The following ETFBKMT variants were observed in gnomAD, a reference collection of about 807,000 sequenced individuals.
ETFBKMT encodes electron transfer flavoprotein beta subunit lysine methyltransferase.
ETFBKMT carries 13 observed loss-of-function variants against 18.3 expected under a neutral mutation model. The ratio of observed to expected loss-of-function variants is 0.71; its 90% confidence interval spans 0.46 to 1.13. The LOEUF (loss-of-function observed/expected upper bound fraction) is 1.13. Among genes scored for constraint, ETFBKMT ranks in the 50% most tolerant of loss-of-function variants. The pLI, the probability that ETFBKMT is intolerant of heterozygous loss-of-function variation, is 0.00. For missense variants in ETFBKMT, 293 were observed against 306.2 expected, an observed-to-expected ratio of 0.96 and a Z score of 0.32; for synonymous variants, 84 against 107.9, an observed-to-expected ratio of 0.78 and a Z score of 1.37.
chr12:31,654,225 T>A (rs1308754842), upstream of ETFBKMT, among the ~76,000 whole-genome samples: 1 of 152,126 alleles, frequency 6.6e-6, no homozygotes, highest in Non-Finnish European at 1.5e-5. Flanking sequence ...AATTTTTGTA[T>A]TTTTAGTAGA....
In ETFBKMT at chr12:31,672,371, G is replaced by C; in HGVS notation, c.*4381G>C. On this transcript the variant is annotated 3_prime_UTR_variant, in exon 4 of 4. Coordinates refer to ENST00000357721, the MANE Select transcript of ETFBKMT (RefSeq NM_001135863.2). Reference sequence around the variant, plus strand: ...TACTAATTGCTCCAACACTTCTCGGGAATGATCTATAAAAGAAAACAATGA... The same window carrying C: ...TACTAATTGCTCCAACACTTCTCGGCAATGATCTATAAAAGAAAACAATGA... 3.2e-6 allele frequency: 5 copies of C among 1,567,786 alleles called. No individual in the cohort carries two copies. Among genetic ancestry groups the C allele is most frequent in the Non-Finnish European group, 4.3e-6 (5 of 1,153,552 alleles).
chr12:31,668,091 T>C lies in ETFBKMT; in HGVS notation c.*101T>C, dbSNP rs1793357134. 1.1e-6 allele frequency: 1 copy of C among 926,306 alleles called. No homozygotes were observed. The highest frequency in any genetic ancestry group is 1.7e-5 in the African/African-American group (1 of 60,132). The allele number at this position is 926,306 out of a possible 1,614,324, so 57.4% of individuals were successfully genotyped here. A position where few individuals can be genotyped will look rare whatever the true frequency, so the allele number is the denominator to read the frequency against. On this transcript the variant is annotated 3_prime_UTR_variant, in exon 4 of 4. Transcript: ENST00000357721. ...TCTCCAGTTTAATGAATGTAATTCT[T>C]GTTAAATGGAAAATCTTGTTTTTAA... is the stretch of plus-strand genomic sequence containing the variant.
chr12:31,664,721 A>G (rs866417502), intron 2 of ETFBKMT, among the ~76,000 whole-genome samples: 11 of 150,794 alleles, frequency 7.3e-5, no homozygotes, highest in Admixed American at 2.6e-4. Context: ...GGTTCAAACG[A>G]TTCTCTGCCT....
In ETFBKMT at chr12:31,668,014, G is replaced by C. The variant is rs780223212; in HGVS notation, c.*24G>C. The C allele has an allele frequency of 6.3e-7, 1 of 1,583,508 alleles. No homozygotes were observed. The highest frequency in any genetic ancestry group is 8.6e-7 in the Non-Finnish European group (1 of 1,157,396). ...GAGTTGTCAAAGTGCTTCCAAGTAT[G>C]AATATAGTAATGTTTGGATCTGACT... On this transcript the variant is annotated 3_prime_UTR_variant, in exon 4 of 4. Coordinates refer to ENST00000357721, the MANE Select transcript of ETFBKMT (RefSeq NM_001135863.2).
intron 1 of ETFBKMT, among the ~76,000 whole-genome samples, chr12:31,649,112 G>A (rs752784881): frequency 6.6e-5 from 10 of 152,258 alleles, no homozygotes; most frequent in East Asian, 1.9e-4. Flanking sequence ...CCACCATGCC[G>A]GGCTAATGTT....
At chr12:31,658,611 A>G (rs927630087), upstream of ETFBKMT, among the ~76,000 whole-genome samples, 4 of 152,180 alleles carry the variant, frequency 2.6e-5, no homozygotes, top group African/African-American at 9.7e-5. Flanking sequence ...GTGCCAGTGC[A>G]TTTCTCAAAC....
chr12:31,660,564 C>T (rs1951110256), intron 1 of ETFBKMT, among the ~76,000 whole-genome samples: 1 of 152,112 alleles, frequency 6.6e-6, no homozygotes, highest in Non-Finnish European at 1.5e-5. Context: ...ATCAATTGCA[C>T]AGGTGTTTTT....
chr12:31,662,604 C>T (rs1238261566), intron 2 of ETFBKMT, among the ~76,000 whole-genome samples: 1 of 149,164 alleles, frequency 6.7e-6, no homozygotes, highest in Non-Finnish European at 1.5e-5. Context: ...GCTGGTATTA[C>T]AGACATGAGC....
chr12:31,662,312 T>C, intron 2 of ETFBKMT, 45 bp downstream of exon 2: 1 of 1,573,660 alleles, frequency 6.4e-7, no homozygotes. Context: ...ATCTTTGCTG[T>C]TTTCAGTTCC....
At chr12:31,648,979 T>C (rs1950992712) in intron 1 of ETFBKMT, among the ~76,000 whole-genome samples, 1 of 117,304 alleles carries the variant, frequency 8.5e-6, no homozygotes, top group African/African-American at 2.6e-5. Context: ...GCCCGACCAA[T>C]AGTTGTATTT....
At chr12:31,656,148 G>T (rs550230894), upstream of ETFBKMT, among the ~76,000 whole-genome samples, 95 of 152,276 alleles carry the variant, frequency 6.2e-4, no homozygotes, top group African/African-American at 2.2e-3. Context: ...GGCAGTGACG[G>T]TTCTGCTTGA....
chr12:31,652,265 C>T (rs1047316737), intron 1 of ETFBKMT, among the ~76,000 whole-genome samples: 1 of 152,114 alleles, frequency 6.6e-6, no homozygotes, highest in Non-Finnish European at 1.5e-5. Flanking sequence ...TCTCTTCTGC[C>T]TATTAAACCT....
Position 31,668,195 on chromosome 12 carries a change from T to G in ETFBKMT, c.*205T>G, listed in dbSNP as rs1177550944. 1 of 499,402 alleles carries G rather than the reference T, an allele frequency of 2.0e-6. No homozygotes were observed. The highest frequency in any genetic ancestry group is 3.2e-5 in the East Asian group (1 of 31,366). 30.9% of individuals were successfully genotyped at this position (499,402 alleles called of 1,614,324 possible). Reference sequence around the variant, plus strand: ...TCTATGCATGCCAATTATACACATCTCTATCTGCATTTTTTTTTCTATTTT... The same window carrying G: ...TCTATGCATGCCAATTATACACATCGCTATCTGCATTTTTTTTTCTATTTT... On this transcript the variant is annotated 3_prime_UTR_variant, in exon 4 of 4. Coordinates refer to ENST00000357721, the MANE Select transcript of ETFBKMT (RefSeq NM_001135863.2).
rs1951129713 is a variant in ETFBKMT at position 31,661,953 on chromosome 12, G to A, written c.-1G>A. ...AGAACCTGTGTTTGGGGAAAGGACTGATGGCTTTGAGTCTAGGTTGGAAAG... is the reference window on the plus strand; with the variant it reads ...AGAACCTGTGTTTGGGGAAAGGACTAATGGCTTTGAGTCTAGGTTGGAAAG... On this transcript the variant is annotated 5_prime_UTR_variant, in exon 2 of 4. Transcript: ENST00000357721. The A allele has an allele frequency of 6.2e-7, 1 of 1,612,988 alleles. No homozygotes were observed.
chr12:31,652,700 A>G (rs1305608826), intron 1 of ETFBKMT, among the ~76,000 whole-genome samples: 1 of 152,184 alleles, frequency 6.6e-6, no homozygotes, highest in Non-Finnish European at 1.5e-5. Flanking sequence ...ATGGTGATTT[A>G]TATTAGAGGA....
rs189603402 is a variant in ETFBKMT, at chr12:31,648,816, C to T, written c.-114+1561C>T. On this transcript the variant is annotated intron_variant, in intron 1 of 3. Transcript: ENST00000412352. ...GACCTTGTGATCTGCCCACCTTGGC[C>T]TCCCAAAGTGCTGGGATTACAGGCG... is the stretch of plus-strand genomic sequence containing the variant. 1.7e-4 allele frequency among the ~76,000 whole-genome samples: 26 copies of T among 152,094 alleles called. No individual in the cohort carries two copies. In the East Asian group the frequency reaches 4.7e-3, roughly 27 times the overall value.
At chr12:31,648,726 TAA>T (rs1460892403) in intron 1 of ETFBKMT, among the ~76,000 whole-genome samples, 1 of 151,528 alleles carries the variant, frequency 6.6e-6, no homozygotes, top group East Asian at 1.9e-4. Flanking sequence ...CACGCCTGGC[TAA>T]GTTTTTGTAT....
chr12:31,651,077 T>G (rs370658139), intron 1 of ETFBKMT, among the ~76,000 whole-genome samples: 2 of 152,088 alleles, frequency 1.3e-5, no homozygotes, highest in South Asian at 2.1e-4. Flanking sequence ...ACAACTTAAG[T>G]ATGATAACAT....
At chr12:31,665,836 A>G (rs1951186959) in intron 2 of ETFBKMT, among the ~76,000 whole-genome samples, 1 of 152,204 alleles carries the variant, frequency 6.6e-6, no homozygotes, top group Non-Finnish European at 1.5e-5. Flanking sequence ...CGCCCATGCT[A>G]TTGTTTGTGG....
Sources: gnomAD v4.1 joint callset for allele counts (sites outside exome capture counted in the v4.1 genomes callset) on GRCh38, gnomAD v4.1.1 for gene constraint, MANE v1.5 for transcripts, NCBI Gene and HGNC (gene_info 2026-07-23, HGNC 2026-07-21) for gene names.